The following DEFB121 variants were observed in gnomAD, a reference collection of about 807,000 sequenced individuals.
DEFB121 encodes beta-defensin 121.
Under a neutral mutation model 2.5 loss-of-function variants are expected in DEFB121, and 5 were observed. That is an observed-to-expected ratio of 1.96 (90% CI 1.03 to 4.13). DEFB121 has a LOEUF of 4.13. DEFB121 is among the 30% of genes most tolerant of loss of function. The pLI is 0.00. For missense variants in DEFB121, 87 were observed against 85.0 expected, an observed-to-expected ratio of 1.02 and a Z score of -0.09; for synonymous variants, 39 against 32.6, an observed-to-expected ratio of 1.20 and a Z score of -0.67.
At chr20:31,407,950 G>A (rs1222721684), upstream of DEFB121, among the ~76,000 whole-genome samples, 1 of 152,026 alleles carries the variant, frequency 6.6e-6, no homozygotes, top group East Asian at 1.9e-4. Context: ...GCTAATTTTT[G>A]TATTTTTGGT....
At chr20:31,410,501 G>A (rs2122357343), upstream of DEFB121, among the ~76,000 whole-genome samples, 1 of 152,142 alleles carries the variant, frequency 6.6e-6, no homozygotes, top group South Asian at 2.1e-4. Context: ...TTGATTATGG[G>A]GATAAAAGTT....
At chr20:31,407,289 C>T (rs923006765), upstream of DEFB121, among the ~76,000 whole-genome samples, 2 of 152,066 alleles carry the variant, frequency 1.3e-5, no homozygotes, top group African/African-American at 4.8e-5. Flanking sequence ...AATCTTGGCC[C>T]TACTTCTTCA....
upstream of DEFB121, among the ~76,000 whole-genome samples, chr20:31,410,823 T>TGAGAGAGAGAGAGAGAGAGA (rs72164704): frequency 3.5e-3 from 475 of 136,008 alleles, 6 homozygotes; most frequent in African/African-American, 0.013. Context: ...CCTTGAAAAA[T>TGAGAGAGAGAGAGAGAGAGA]GAGAGAGAGA....
intron 1 of DEFB121, among the ~76,000 whole-genome samples, chr20:31,405,441 C>A (rs1463431668): frequency 6.6e-6 from 1 of 152,304 alleles, no homozygotes; most frequent in South Asian, 2.1e-4. Flanking sequence ...CAATTAGCCA[C>A]CTTTTCTCAT....
At chr20:31,417,793 T>C (rs888390210), upstream of DEFB121, among the ~76,000 whole-genome samples, 1 of 151,734 alleles carries the variant, frequency 6.6e-6, no homozygotes, top group African/African-American at 2.4e-5. Flanking sequence ...TGAAACCCCG[T>C]CTCTACTAAA....
chr20:31,412,533 T>C (rs1197174621), intron 1 of DEFB121: 1 of 945,092 alleles, frequency 1.1e-6, no homozygotes, highest in East Asian at 6.1e-5. Flanking sequence ...TTAAATTAGG[T>C]GATGCTTGTA....
At chr20:31,412,813 C>G (rs538820756) in exon 1 of DEFB121, 1 of 515,774 alleles carries the variant, frequency 1.9e-6, no homozygotes. Flanking sequence ...AGAGGGCTCA[C>G]CCAGAGTCGA....
chr20:31,412,140 T>C (rs138221855), intron 1 of DEFB121, among the ~76,000 whole-genome samples: 2,548 of 152,274 alleles, frequency 0.017, 72 homozygotes, highest in African/African-American at 0.057. Context: ...TTCTTTGTAA[T>C]CTTTGGGGAT....
At chr20:31,416,419 T>C (rs1978808236), upstream of DEFB121, among the ~76,000 whole-genome samples, 1 of 152,358 alleles carries the variant, frequency 6.6e-6, no homozygotes, top group African/African-American at 2.4e-5. Flanking sequence ...TTGAGTTTCA[T>C]GTAAGTTTTT....
exon 1 of DEFB121, chr20:31,412,653 G>T (rs1399295011): frequency 7.7e-7 from 1 of 1,290,858 alleles, no homozygotes; most frequent in Admixed American, 2.3e-5. Context: ...TTTGGCTATT[G>T]ACCTCTTTCC....
chr20:31,417,454 G>T (rs924661652), upstream of DEFB121, among the ~76,000 whole-genome samples: 1 of 152,004 alleles, frequency 6.6e-6, no homozygotes, highest in African/African-American at 2.4e-5. Context: ...AATAAAAGCA[G>T]TAGAGAAAAT....
At chr20:31,413,804 C>T (rs1978729286), upstream of DEFB121, among the ~76,000 whole-genome samples, 1 of 152,210 alleles carries the variant, frequency 6.6e-6, no homozygotes, top group East Asian at 1.9e-4. Context: ...ATCCAAACAA[C>T]AAAAGACAAT....
upstream of DEFB121, among the ~76,000 whole-genome samples, chr20:31,410,863 C>T (rs931201350): frequency 8.2e-5 from 11 of 133,550 alleles, no homozygotes; most frequent in Admixed American, 5.7e-4. Context: ...AGAAAGAGAG[C>T]AACTCATGGG....
upstream of DEFB121, among the ~76,000 whole-genome samples, chr20:31,408,277 C>T (rs1978550601): frequency 6.6e-6 from 1 of 152,066 alleles, no homozygotes. Context: ...GACTCCATCT[C>T]TACACACACA....
chr20:31,418,160 T>C, the DEFB121 span, among the ~76,000 whole-genome samples: 5 of 137,634 alleles, frequency 3.6e-5, no homozygotes, highest in East Asian at 9.2e-4. Flanking sequence ...CTTGGGAGGC[T>C]GAGGCAGGAG....
upstream of DEFB121, among the ~76,000 whole-genome samples, chr20:31,409,495 C>A (rs753856247): frequency 9.9e-5 from 15 of 152,200 alleles, 1 homozygote; most frequent in Non-Finnish European, 2.1e-4. Context: ...AATCCCAGCA[C>A]TTTGAGAGGC....
chr20:31,414,133 G>A (rs1978740336), upstream of DEFB121, among the ~76,000 whole-genome samples: 1 of 152,090 alleles, frequency 6.6e-6, no homozygotes, highest in South Asian at 2.1e-4. Context: ...CTTGAACCTG[G>A]GAGGCAGAGG....
At chr20:31,407,682 A>G (rs543380598), upstream of DEFB121, among the ~76,000 whole-genome samples, 15 of 152,374 alleles carry the variant, frequency 9.8e-5, no homozygotes, top group East Asian at 1.4e-3. Flanking sequence ...GTGGAACATT[A>G]CATAGTAATG....
At chr20:31,418,282 A>G in the DEFB121 span, among the ~76,000 whole-genome samples, 1 of 148,302 alleles carries the variant, frequency 6.7e-6, no homozygotes, top group Non-Finnish European at 1.5e-5. Context: ...AAAAAAAAAA[A>G]GAAAAAAGGG....
Sources: gnomAD v4.1 joint callset for allele counts (sites outside exome capture counted in the v4.1 genomes callset) on GRCh38, gnomAD v4.1.1 for gene constraint, MANE v1.5 for transcripts, NCBI Gene and HGNC (gene_info 2026-07-23, HGNC 2026-07-21) for gene names.